GALNT13: variants seen among roughly 807,000 people sequenced by gnomAD.
GALNT13 encodes the protein polypeptide N-acetylgalactosaminyltransferase 13.
In GALNT13, 28 loss-of-function variants were observed where a neutral mutation model predicts 64.2. That is an observed-to-expected ratio of 0.44 (90% CI 0.32 to 0.60). GALNT13 has a LOEUF of 0.60. Ranked by LOEUF, GALNT13 falls within the 20% of genes least tolerant of loss-of-function variation. The pLI is 0.05. For missense variants in GALNT13, 577 were observed against 669.8 expected (o/e 0.86, Z 1.53); for synonymous variants, 214 against 224.6 (o/e 0.95, Z 0.42).
the GALNT13 span, among the ~76,000 whole-genome samples, chr2:153,817,739 C>A: frequency 6.6e-6 from 1 of 152,114 alleles, no homozygotes; most frequent in Admixed American, 6.5e-5. Flanking sequence ...TAGTTATTTT[C>A]TTTAACACCA....
At chr2:153,442,208 G>T in the GALNT13 span, among the ~76,000 whole-genome samples, 2 of 152,162 alleles carry the variant, frequency 1.3e-5, no homozygotes, top group East Asian at 3.9e-4. Context: ...AGATAATCAT[G>T]TGGTTTTTGT....
intron 9 of GALNT13, among the ~76,000 whole-genome samples, chr2:154,382,150 C>G (rs551397096): frequency 1.3e-5 from 2 of 152,172 alleles, no homozygotes; most frequent in African/African-American, 4.8e-5. Context: ...TCCCCTTCAG[C>G]TGCCCAATCC....
At chr2:153,838,033 A>G in the GALNT13 span, among the ~76,000 whole-genome samples, 5 of 152,026 alleles carry the variant, frequency 3.3e-5, no homozygotes, top group Non-Finnish European at 7.4e-5. Flanking sequence ...GCACCTTTTC[A>G]TATACATGTT....
intron 7 of GALNT13, among the ~76,000 whole-genome samples, chr2:154,252,752 T>C (rs1347205473): frequency 1.3e-5 from 2 of 151,138 alleles, no homozygotes; most frequent in Admixed American, 6.6e-5. Flanking sequence ...GATAGATAGA[T>C]AGATAGATAG....
At chr2:154,027,841 TA>T (rs1173744636) in intron 3 of GALNT13, among the ~76,000 whole-genome samples, 1 of 152,156 alleles carries the variant, frequency 6.6e-6, no homozygotes, top group Non-Finnish European at 1.5e-5. Flanking sequence ...AATGTAGCAT[TA>T]TTTTGAATTG....
At chr2:153,087,780 T>C in the GALNT13 span, among the ~76,000 whole-genome samples, 6 of 152,176 alleles carry the variant, frequency 3.9e-5, no homozygotes, top group Non-Finnish European at 8.8e-5. Context: ...TATCCTTGAA[T>C]GATCTTTTGT....
chr2:153,456,132 T>C, the GALNT13 span, among the ~76,000 whole-genome samples: 1 of 152,122 alleles, frequency 6.6e-6, no homozygotes, highest in Non-Finnish European at 1.5e-5. Flanking sequence ...GGGCGGGCCA[T>C]TGGTGGTTTA....
At chr2:153,281,965 A>G in the GALNT13 span, among the ~76,000 whole-genome samples, 1 of 151,446 alleles carries the variant, frequency 6.6e-6, no homozygotes, top group Non-Finnish European at 1.5e-5. Flanking sequence ...AGATTAGAAA[A>G]ATTTTCTTGA....
chr2:154,018,407 A>G (rs1297346024), intron 3 of GALNT13, among the ~76,000 whole-genome samples: 1 of 152,204 alleles, frequency 6.6e-6, no homozygotes, highest in Non-Finnish European at 1.5e-5. Context: ...TTCTCTCAGA[A>G]TTTGGAATTG....
chr2:153,383,823 G>A, the GALNT13 span, among the ~76,000 whole-genome samples: 1 of 151,990 alleles, frequency 6.6e-6, no homozygotes, highest in African/African-American at 2.4e-5. Flanking sequence ...ATGAGTGGCA[G>A]AAAAATCAAA....
the GALNT13 span, among the ~76,000 whole-genome samples, chr2:153,774,338 A>G: frequency 1.3e-5 from 2 of 151,844 alleles, no homozygotes; most frequent in African/African-American, 2.4e-5. Flanking sequence ...TCTTTTTTCC[A>G]TATTTTTCTA....
chr2:153,796,718 C>T, the GALNT13 span, among the ~76,000 whole-genome samples: 6 of 152,184 alleles, frequency 3.9e-5, no homozygotes, highest in African/African-American at 1.4e-4. Flanking sequence ...AAGTACATAT[C>T]CATAGAAGTT....
At chr2:154,136,533 GATAA>G (rs1175357205) in intron 3 of GALNT13, among the ~76,000 whole-genome samples, 2 of 152,024 alleles carry the variant, frequency 1.3e-5, no homozygotes, top group Non-Finnish European at 2.9e-5. Flanking sequence ...TAATGCAATT[GATAA>G]ATAGTGTTCT....
chr2:153,305,433 A>C, the GALNT13 span, among the ~76,000 whole-genome samples: 7 of 152,214 alleles, frequency 4.6e-5, no homozygotes, highest in African/African-American at 1.2e-4. Context: ...AGGTGGTTTC[A>C]TAACTTCTCA....
rs796497438 is a variant in GALNT13 at position 153,976,615 on chromosome 2, C to T, written c.142+31976C>T. 9.2e-5 allele frequency among the ~76,000 whole-genome samples: 14 copies of T among 152,086 alleles called. 1 individual carries two copies. Among genetic ancestry groups the T allele is most frequent in the African/African-American group, 3.4e-4 (14 of 41,530 alleles). On this transcript the variant is annotated intron_variant, in intron 3 of 12. Transcript: ENST00000392825. ...GGTTGAGTGAATAAAACATTTGGAACCAATAATAAATGGTTGAGGTAATAG... is the reference window on the plus strand; with the variant it reads ...GGTTGAGTGAATAAAACATTTGGAATCAATAATAAATGGTTGAGGTAATAG...
At chr2:153,935,177 G>T (rs1690814024) in intron 2 of GALNT13, among the ~76,000 whole-genome samples, 1 of 152,146 alleles carries the variant, frequency 6.6e-6, no homozygotes, top group Non-Finnish European at 1.5e-5. Flanking sequence ...GATATCAATA[G>T]GTTTTATTCT....
At chr2:154,309,439 T>A (rs997034493) in intron 9 of GALNT13, among the ~76,000 whole-genome samples, 9 of 152,198 alleles carry the variant, frequency 5.9e-5, no homozygotes, top group Non-Finnish European at 8.8e-5. Flanking sequence ...ATAAAAAGTT[T>A]GACTCACAAT....
the GALNT13 span, among the ~76,000 whole-genome samples, chr2:153,624,870 A>T: frequency 6.7e-6 from 1 of 148,578 alleles, no homozygotes; most frequent in South Asian, 2.1e-4. Flanking sequence ...TTTGTTTGAG[A>T]TAGTTCAGAA....
Position 154,214,715 on chromosome 2 carries a change from A to G in GALNT13, c.312-27315A>G, listed in dbSNP as rs117708647. Among the ~76,000 whole-genome samples, 63 of 152,236 alleles carry G rather than the reference A, an allele frequency of 4.1e-4. No individual in the cohort carries two copies. In the East Asian group the frequency reaches 0.01, roughly 25 times the overall value. On this transcript the variant is annotated intron_variant, in intron 4 of 12. Transcript: ENST00000392825. ...CATGTTTGCTTCTCCTTCTGCCATA[A>G]TTGTAAGTTTCCCAAGACCTCCTCA...
Sources: allele counts gnomAD v4.1 joint callset (sites outside exome capture counted in the v4.1 genomes callset), GRCh38; gene constraint gnomAD v4.1.1; transcripts MANE v1.5; gene names NCBI Gene and HGNC (gene_info 2026-07-23, HGNC 2026-07-21).